Variants in METTL8 observed in about 807,000 individuals in gnomAD.
The protein encoded by METTL8 is methyltransferase 8, tRNA N3-cytidine.
In METTL8, 32 loss-of-function variants were observed where a neutral mutation model predicts 48.7. That is an observed-to-expected ratio of 0.66 (90% CI 0.50 to 0.88). METTL8 has a LOEUF of 0.88. Ranked by LOEUF, METTL8 falls within the 40% of genes least tolerant of loss-of-function variation. The pLI is 0.00. For synonymous variants in METTL8, 136 were observed against 157.1 expected, an observed-to-expected ratio of 0.87 and a Z score of 1.01; for missense variants, 464 against 474.4, an observed-to-expected ratio of 0.98 and a Z score of 0.20.
In METTL8 at chr2:171,324,286, A is replaced by G. The variant is rs1057501364; in HGVS notation, c.1110T>C (p.Asn370=). The G allele has an allele frequency of 3.9e-6, 6 of 1,551,582 alleles. No homozygotes were observed. In the South Asian group the frequency reaches 7.1e-5, roughly 18 times the overall value. The change falls in exon 10 of 10, where the codon AAT becomes AAC. Residue 370 remains asparagine (N), a synonymous_variant. Coordinates refer to ENST00000375258, the MANE Select transcript of METTL8 (RefSeq NM_001321154.2). The part of the protein sequence containing the change: ...QNLVDRRLQV[N]RKKQVKMHRV... ...GGTGCATTTTCACTTGTTTTTTCCT[A>G]TTAACTTGTAAGCGGCGATCAACCA... is the stretch of plus-strand genomic sequence containing the variant.
intron 1 of METTL8, among the ~76,000 whole-genome samples, chr2:171,414,385 C>G (rs369725634): frequency 6.6e-6 from 1 of 151,538 alleles, no homozygotes; most frequent in South Asian, 2.1e-4. Context: ...CCACTGCACT[C>G]CAGCCTGGGC....
chr2:171,323,863 T>C lies in METTL8; in HGVS notation c.*309A>G. On this transcript the variant is annotated 3_prime_UTR_variant, in exon 10 of 10. Coordinates refer to ENST00000375258, the MANE Select transcript of METTL8 (RefSeq NM_001321154.2). The stretch of plus-strand genomic sequence containing the variant: ...CTTGCAAAAAATGTCAAGTTACATT[T>C]TCTCAAAATTACTTGACATAATACT... 1 of 217,330 alleles carries C rather than the reference T, an allele frequency of 4.6e-6. No homozygotes were observed. The highest frequency in any genetic ancestry group is 8.9e-6 in the Non-Finnish European group (1 of 111,760). The allele number at this position is 217,330 out of a possible 1,614,324, so 13.5% of individuals were successfully genotyped here. A position where few individuals can be genotyped will look rare whatever the true frequency, so the allele number is the denominator to read the frequency against.
intron 1 of METTL8, among the ~76,000 whole-genome samples, chr2:171,430,161 C>A (rs575899488): frequency 6.6e-6 from 1 of 152,186 alleles, no homozygotes; most frequent in African/African-American, 2.4e-5. Context: ...AGTTCACAAC[C>A]AGCCTGGCCA....
At position 171,354,399 on chromosome 2, in the gene METTL8, T is replaced by C. The variant is rs370839113; in HGVS notation, c.235+6023A>G. ...CTCTGGCTGCCCTTAACATTTTTTC[T>C]TTCATTTCAACCTTGGTGAATCTGA... On this transcript the variant is annotated intron_variant, in intron 3 of 9. Transcript: ENST00000375258. 3.7e-3 allele frequency among the ~76,000 whole-genome samples: 563 copies of C among 152,288 alleles called. 7 individuals carry two copies. Among genetic ancestry groups the C allele is most frequent in the East Asian group, 0.022 (115 of 5,176 alleles).
intron 3 of METTL8, among the ~76,000 whole-genome samples, chr2:171,352,772 T>C (rs1458353468): frequency 1.3e-5 from 2 of 152,270 alleles, no homozygotes; most frequent in Admixed American, 1.3e-4. Flanking sequence ...GTTTACAGTA[T>C]ACTCTGATGG....
At chr2:171,363,350 C>A (rs1246469242) in intron 2 of METTL8, among the ~76,000 whole-genome samples, 1 of 151,944 alleles carries the variant, frequency 6.6e-6, no homozygotes. Flanking sequence ...ACTGGATTCA[C>A]GTATCCCAAA....
rs546766547 is a variant in METTL8, at chr2:171,339,236, G to C, written c.554C>G (p.Pro185Arg). The C allele has an allele frequency of 1.9e-6, 3 of 1,603,676 alleles. No individual in the cohort carries two copies. In the East Asian group the frequency reaches 6.7e-5, roughly 36 times the overall value. The change falls in exon 4 of 10, where the codon CCT becomes CGT. Residue 185 changes from proline (P) to arginine (R), a missense_variant. Coordinates refer to ENST00000375258, the MANE Select transcript of METTL8 (RefSeq NM_001321154.2). ...ACCAGGAAACAATCCAGTCTCCATA[G>C]GTCCTTTTTTGTGTTTTTCAGAGTC... Reference protein sequence around the residue: ...NLDSEKHKKGPMETGLFPGSN... With the variant: ...NLDSEKHKKGRMETGLFPGSN...
intron 2 of METTL8, among the ~76,000 whole-genome samples, chr2:171,377,489 C>T (rs1268416348): frequency 6.6e-6 from 1 of 152,146 alleles, no homozygotes; most frequent in Non-Finnish European, 1.5e-5. Flanking sequence ...AACTATGTAT[C>T]TGACAAAGGA....
intron 5 of METTL8, among the ~76,000 whole-genome samples, chr2:171,335,042 G>A (rs539466050): frequency 6.6e-6 from 1 of 152,310 alleles, no homozygotes; most frequent in Admixed American, 6.5e-5. Context: ...GTATTTACGT[G>A]TATTATAAGC....
chr2:171,345,888 C>A (rs1286301021), intron 3 of METTL8, among the ~76,000 whole-genome samples: 1 of 152,066 alleles, frequency 6.6e-6, no homozygotes, highest in Non-Finnish European at 1.5e-5. Flanking sequence ...TCTTTCATTT[C>A]TCTGAATTAA....
intron 1 of METTL8, among the ~76,000 whole-genome samples, chr2:171,395,617 A>G (rs1688989933): frequency 6.6e-6 from 1 of 152,230 alleles, no homozygotes; most frequent in East Asian, 1.9e-4. Flanking sequence ...AATAATGATA[A>G]TAAGCCAATT....
upstream of METTL8, chr2:171,434,454 T>A: frequency 6.7e-7 from 1 of 1,498,444 alleles, no homozygotes; most frequent in South Asian, 1.2e-5. Flanking sequence ...CGTGTCAGCT[T>A]TCCCTGGGCC....
At chr2:171,406,205 T>A (rs537406156) in intron 1 of METTL8, among the ~76,000 whole-genome samples, 79 of 152,328 alleles carry the variant, frequency 5.2e-4, no homozygotes, top group African/African-American at 1.8e-3. Context: ...GAAGTGGGCA[T>A]GTGGCCAAAC....
upstream of METTL8, chr2:171,434,313 G>T: frequency 1.6e-6 from 1 of 636,008 alleles, no homozygotes; most frequent in East Asian, 3.4e-5. Context: ...CCGGAGCGTC[G>T]CACTGTCAGC....
chr2:171,345,156 T>C (rs1318115655), intron 3 of METTL8, among the ~76,000 whole-genome samples: 3 of 152,206 alleles, frequency 2.0e-5, no homozygotes, highest in African/African-American at 4.8e-5. Context: ...TCTGTTTAAC[T>C]ACAGCCCAAT....
chr2:171,354,723 T>G (rs1401982332), intron 3 of METTL8, among the ~76,000 whole-genome samples: 1 of 152,254 alleles, frequency 6.6e-6, no homozygotes, highest in Non-Finnish European at 1.5e-5. Context: ...CTTCAATCAC[T>G]GATACCCTTT....
intron 3 of METTL8, among the ~76,000 whole-genome samples, chr2:171,355,406 C>G (rs748124822): frequency 6.6e-6 from 1 of 152,190 alleles, no homozygotes; most frequent in Non-Finnish European, 1.5e-5. Flanking sequence ...AGTTAGGCTA[C>G]TTGGGGGTCA....
intron 3 of METTL8, among the ~76,000 whole-genome samples, chr2:171,345,327 T>C (rs1024851040): frequency 6.6e-6 from 1 of 152,196 alleles, no homozygotes; most frequent in Non-Finnish European, 1.5e-5. Context: ...ACATATATAA[T>C]ATGATTAATA....
At chr2:171,328,012 T>C (rs1432139957) in intron 7 of METTL8, among the ~76,000 whole-genome samples, 1 of 152,160 alleles carries the variant, frequency 6.6e-6, no homozygotes, top group Admixed American at 6.5e-5. Context: ...ATGTCTGGGG[T>C]TGAGGATAAA....
Sources: allele counts gnomAD v4.1 joint callset (sites outside exome capture counted in the v4.1 genomes callset), GRCh38; gene constraint gnomAD v4.1.1; transcripts MANE v1.5; gene names NCBI Gene and HGNC (gene_info 2026-07-23, HGNC 2026-07-21).